Variants in SLC18A2 observed in about 807,000 individuals in gnomAD.
SLC18A2 encodes the protein solute carrier family 18 member A2.
SLC18A2 carries 33 observed loss-of-function variants against 59.2 expected under a neutral mutation model. The observed-to-expected ratio is 0.56, with a 90% CI of 0.42 to 0.75. SLC18A2 has a LOEUF of 0.75. Among genes scored for constraint, SLC18A2 ranks in the 30% least tolerant of loss-of-function variants. The pLI, the probability that SLC18A2 is intolerant of heterozygous loss-of-function variation, is 0.00. For missense variants in SLC18A2, 569 were observed against 668.6 expected, an observed-to-expected ratio of 0.85 and a Z score of 1.64; for synonymous variants, 228 against 253.5, an observed-to-expected ratio of 0.90 and a Z score of 0.95.
intron 3 of SLC18A2, among the ~76,000 whole-genome samples, chr10:117,252,134 A>AT (rs57101171): frequency 0.013 from 558 of 44,362 alleles, 30 homozygotes; most frequent in Admixed American, 0.02. Flanking sequence ...CATTTTTTGT[A>AT]TTTTTTTTTT....
At chr10:117,260,861 G>A (rs902381832) in intron 10 of SLC18A2, among the ~76,000 whole-genome samples, 6 of 152,174 alleles carry the variant, frequency 3.9e-5, no homozygotes, top group Non-Finnish European at 1.5e-5. Flanking sequence ...TTAGAGCAGG[G>A]CGTCCTCAGA....
intron 15 of SLC18A2, among the ~76,000 whole-genome samples, chr10:117,271,429 A>G (rs145789683): frequency 6.6e-6 from 1 of 152,360 alleles, no homozygotes; most frequent in Non-Finnish European, 1.5e-5. Flanking sequence ...TTTAAAGACA[A>G]ACCTTAAAAT....
chr10:117,260,117 A>G (rs1424369584), intron 10 of SLC18A2, among the ~76,000 whole-genome samples: 1 of 152,112 alleles, frequency 6.6e-6, no homozygotes, highest in African/African-American at 2.4e-5. Flanking sequence ...GGTTTTGGTG[A>G]GGTTGTTGTT....
At chr10:117,253,954 C>T (rs1844194470) in intron 4 of SLC18A2, 94 bp from the exon 5 acceptor site, 13 of 1,094,210 alleles carry the variant, frequency 1.2e-5, no homozygotes, top group Admixed American at 1.8e-5. Flanking sequence ...GCAAATGCTC[C>T]ACTGGGTTAA....
At chr10:117,272,550 C>T (rs538115483) in intron 15 of SLC18A2, among the ~76,000 whole-genome samples, 6 of 152,070 alleles carry the variant, frequency 3.9e-5, no homozygotes, top group Admixed American at 2.6e-4. Context: ...CCCATTTAAA[C>T]GAATACTTCA....
At chr10:117,242,438 TAA>T (rs11313765) in intron 2 of SLC18A2, among the ~76,000 whole-genome samples, 2 of 147,748 alleles carry the variant, frequency 1.4e-5, no homozygotes, top group Admixed American at 1.3e-4. Context: ...TGCATTTCCT[TAA>T]AAAAAAAAAT....
chr10:117,249,709 G>A (rs1589978424), intron 3 of SLC18A2, among the ~76,000 whole-genome samples: 1 of 152,212 alleles, frequency 6.6e-6, no homozygotes, highest in South Asian at 2.1e-4. Context: ...CACTAGAGAA[G>A]TATTGTCTTC....
In SLC18A2 at chr10:117,269,114, T is replaced by C. The variant is rs1264717714; in HGVS notation, c.1187-957T>C. Reference sequence around the variant, plus strand: ...ACACATATGCATACATACATACACGTAGATACACATACACATACAAACACC... The same window carrying C: ...ACACATATGCATACATACATACACGCAGATACACATACACATACAAACACC... On this transcript the variant is annotated intron_variant, in intron 13 of 15. Coordinates refer to ENST00000644641, the MANE Select transcript of SLC18A2 (RefSeq NM_003054.6). The surrounding 1 kb of genome is among the most constrained non-coding windows in gnomAD (Gnocchi z 5.1). 6.7e-6 allele frequency among the ~76,000 whole-genome samples: 1 copy of C among 150,332 alleles called. No individual in the cohort carries two copies. Among genetic ancestry groups the C allele is most frequent in the Non-Finnish European group, 1.5e-5 (1 of 67,648 alleles).
intron 6 of SLC18A2, among the ~76,000 whole-genome samples, chr10:117,255,044 G>A (rs746445942): frequency 9.9e-5 from 15 of 152,172 alleles, no homozygotes; most frequent in Admixed American, 6.5e-5. Context: ...TGTTTCTCTC[G>A]GGCCTTTGCT....
chr10:117,269,086 TACAC>T lies in SLC18A2; in HGVS notation c.1187-981_1187-978del, dbSNP rs1844389317. Reference sequence around the variant, plus strand: ...ACACATACACATACACAAATATACATACACACATATGCATACATACATACACGTA... The same window carrying T: ...ACACATACACATACACAAATATACATACATATGCATACATACATACACGTA... On this transcript the variant is annotated intron_variant, in intron 13 of 15. Transcript: ENST00000644641. This position sits in a 1 kb window ranked among gnomAD's most constrained non-coding sequence, Gnocchi z 5.1. Among the ~76,000 whole-genome samples the T allele has an allele frequency of 6.7e-6, 1 of 148,248 alleles. No individual in the cohort carries two copies. The highest frequency in any genetic ancestry group is 1.5e-5 in the Non-Finnish European group (1 of 67,434).
chr10:117,257,381 G>A (rs550186369), intron 9 of SLC18A2, among the ~76,000 whole-genome samples: 26 of 152,024 alleles, frequency 1.7e-4, no homozygotes, highest in African/African-American at 4.6e-4. Flanking sequence ...AAATGCCCAC[G>A]TATATTGCAC....
intron 15 of SLC18A2, among the ~76,000 whole-genome samples, chr10:117,276,644 A>AACAAAGAAAGAC (rs1844497197): frequency 1.5e-5 from 2 of 132,750 alleles, no homozygotes; most frequent in Non-Finnish European, 3.2e-5. Context: ...GAAAGAAAGA[A>AACAAAGAAAGAC]AGAAAGAAAA....
At chr10:117,264,135 C>T (rs56111334) in intron 10 of SLC18A2, among the ~76,000 whole-genome samples, 3 of 152,202 alleles carry the variant, frequency 2.0e-5, no homozygotes, top group Non-Finnish European at 2.9e-5. Context: ...TGGCCAAGGC[C>T]GTGGCTGAAG....
Position 117,251,854 on chromosome 10 carries a change from G to A in SLC18A2, c.465-1545G>A, listed in dbSNP as rs951622697. On this transcript the variant is annotated intron_variant, in intron 3 of 15. Coordinates refer to ENST00000644641, the MANE Select transcript of SLC18A2 (RefSeq NM_003054.6). The stretch of plus-strand genomic sequence containing the variant: ...CCTCAGTTTCCTCATCTGTAACATA[G>A]GGAGGTGAAATAGGGCCCTTATTAA... 2.0e-5 allele frequency among the ~76,000 whole-genome samples: 3 copies of A among 152,156 alleles called. No homozygotes were observed. The South Asian group carries it at 6.2e-4, about 31-fold the overall frequency.
At chr10:117,243,312 T>G (rs1199135842) in intron 2 of SLC18A2, among the ~76,000 whole-genome samples, 1 of 152,220 alleles carries the variant, frequency 6.6e-6, no homozygotes, top group African/African-American at 2.4e-5. Flanking sequence ...AGGCCACATT[T>G]TGCTTTTCTG....
At chr10:117,250,910 G>A (rs1844156305) in intron 3 of SLC18A2, among the ~76,000 whole-genome samples, 5 of 152,178 alleles carry the variant, frequency 3.3e-5, no homozygotes. Flanking sequence ...ACTGAACAGT[G>A]GGCACAGTAT....
intron 3 of SLC18A2, among the ~76,000 whole-genome samples, chr10:117,247,914 GATGGTGCC>G (rs1844125598): frequency 6.6e-6 from 1 of 152,192 alleles, no homozygotes; most frequent in Admixed American, 6.5e-5. Flanking sequence ...TCACAGTCGT[GATGGTGCC>G]ATGTGTGTGG....
intron 3 of SLC18A2, among the ~76,000 whole-genome samples, chr10:117,246,641 GGACA>G (rs1844113306): frequency 6.6e-6 from 1 of 151,308 alleles, no homozygotes; most frequent in Non-Finnish European, 1.5e-5. Context: ...TAATATGGAA[GGACA>G]AACAAATTTT....
chr10:117,247,058 A>G (rs532349696), intron 3 of SLC18A2, among the ~76,000 whole-genome samples: 1 of 152,346 alleles, frequency 6.6e-6, no homozygotes, highest in African/African-American at 2.4e-5. Context: ...TGGACACTCC[A>G]AGATTCTGCT....
Sources: allele counts gnomAD v4.1 joint callset (sites outside exome capture counted in the v4.1 genomes callset), GRCh38; gene constraint gnomAD v4.1.1; non-coding constraint Gnocchi (gnomAD v3.1); transcripts MANE v1.5; gene names NCBI Gene and HGNC (gene_info 2026-07-23, HGNC 2026-07-21).